LRIF1: variants seen among roughly 807,000 people sequenced by gnomAD.
LRIF1 encodes the protein ligand-dependent nuclear receptor-interacting factor 1.
In LRIF1, 32 loss-of-function variants were observed where a neutral mutation model predicts 52.7. The observed-to-expected ratio is 0.61, with a 90% CI of 0.46 to 0.82. The LOEUF is 0.82. Ranked by LOEUF, LRIF1 falls within the 40% of genes least tolerant of loss-of-function variation. The pLI is 0.00. For synonymous variants in LRIF1, 323 were observed against 317.4 expected, an observed-to-expected ratio of 1.02 and a Z score of -0.19; for missense variants, 887 against 892.0, an observed-to-expected ratio of 0.99 and a Z score of 0.07.
At chr1:110,922,707 C>T in the LRIF1 span, among the ~76,000 whole-genome samples, 3 of 152,220 alleles carry the variant, frequency 2.0e-5, no homozygotes, top group Admixed American at 2.0e-4. Flanking sequence ...AACTTAATGG[C>T]TTAAAACAAC....
the LRIF1 span, among the ~76,000 whole-genome samples, chr1:110,926,541 T>G: frequency 3.3e-5 from 5 of 151,974 alleles, no homozygotes; most frequent in Non-Finnish European, 7.4e-5. Flanking sequence ...ATTAAGAAAC[T>G]AAAAATAAAT....
At chr1:110,954,796 A>T (rs1241609807) in intron 1 of LRIF1, among the ~76,000 whole-genome samples, 2 of 152,114 alleles carry the variant, frequency 1.3e-5, no homozygotes, top group Non-Finnish European at 2.9e-5. Flanking sequence ...CTTATATTTT[A>T]ATTGATTTTT....
At chr1:110,951,097 T>C (rs969368588) in intron 2 of LRIF1, among the ~76,000 whole-genome samples, 191 bp downstream of exon 2, 12 of 152,198 alleles carry the variant, frequency 7.9e-5, no homozygotes, top group African/African-American at 2.4e-4. Context: ...TTGTACAAGA[T>C]TGTACCCAAC....
chr1:110,962,949 A>C (rs1357741498), intron 1 of LRIF1, among the ~76,000 whole-genome samples: 1 of 152,080 alleles, frequency 6.6e-6, no homozygotes, highest in Non-Finnish European at 1.5e-5. Flanking sequence ...GTTACTGATC[A>C]TCTATTTTCT....
At chr1:110,894,974 G>A in the LRIF1 span, 1 of 1,613,826 alleles carries the variant, frequency 6.2e-7, no homozygotes, top group Non-Finnish European at 8.5e-7. Flanking sequence ...ATGAGTATGT[G>A]GCTAAGGGTC....
the LRIF1 span, among the ~76,000 whole-genome samples, chr1:110,883,379 C>T: frequency 2.6e-5 from 4 of 151,856 alleles, no homozygotes; most frequent in African/African-American, 9.7e-5. Flanking sequence ...GTTAAAATAA[C>T]CTTGCATTCC....
At chr1:110,886,226 C>T in the LRIF1 span, among the ~76,000 whole-genome samples, 2 of 152,008 alleles carry the variant, frequency 1.3e-5, no homozygotes, top group Non-Finnish European at 2.9e-5. Flanking sequence ...TGCTCTTATC[C>T]TTACAATTGT....
At chr1:110,960,568 T>C (rs1658910231) in intron 1 of LRIF1, among the ~76,000 whole-genome samples, 2 of 152,220 alleles carry the variant, frequency 1.3e-5, no homozygotes, top group Non-Finnish European at 2.9e-5. Context: ...TTCATTATAG[T>C]ACCTCTAAGG....
the LRIF1 span, among the ~76,000 whole-genome samples, chr1:110,883,925 G>GA: frequency 6.6e-6 from 1 of 151,766 alleles, no homozygotes; most frequent in Non-Finnish European, 1.5e-5. Flanking sequence ...TTTTAAAATT[G>GA]ATTACCTGTG....
intron 1 of LRIF1, among the ~76,000 whole-genome samples, chr1:110,956,749 G>A (rs1658715502): frequency 6.6e-6 from 1 of 152,196 alleles, no homozygotes; most frequent in African/African-American, 2.4e-5. Flanking sequence ...TCACATGAGG[G>A]AAGATGGTGA....
intron 1 of LRIF1, among the ~76,000 whole-genome samples, chr1:110,953,923 A>G (rs1658588985): frequency 1.3e-5 from 2 of 152,204 alleles, no homozygotes; most frequent in African/African-American, 4.8e-5. Context: ...TTCATGGTAT[A>G]TATCATAGAT....
intron 1 of LRIF1, among the ~76,000 whole-genome samples, chr1:110,956,092 CAT>C (rs1366165429): frequency 1.3e-5 from 2 of 152,106 alleles, no homozygotes; most frequent in African/African-American, 2.4e-5. Flanking sequence ...TGAAAAATCA[CAT>C]GACATCATCT....
chr1:110,958,037 A>G (rs1253858244), intron 1 of LRIF1, among the ~76,000 whole-genome samples: 3 of 152,150 alleles, frequency 2.0e-5, no homozygotes, highest in African/African-American at 4.8e-5. Context: ...ACTATTGACT[A>G]TTATGTATCT....
At position 110,963,662 on chromosome 1, in the gene LRIF1, G is replaced by A. The variant is rs1322456626; in HGVS notation, c.27C>T (p.Phe9=). 6.2e-7 allele frequency: 1 copy of A among 1,610,258 alleles called. No individual in the cohort carries two copies. Among genetic ancestry groups the A allele is most frequent in the East Asian group, 2.2e-5 (1 of 44,808 alleles). Residue 9 remains phenylalanine (F), a synonymous_variant, in exon 1 of 4, where the codon TTC becomes TTT. Coordinates refer to ENST00000369763, the MANE Select transcript of LRIF1 (RefSeq NM_018372.4). MSNNLRRV[F]LKPAEENSGN... ...CTGAATTTTCCTCTGCGGGTTTCAG[G>A]AAGACCCTCCGTAGGTTATTTGACA...
the LRIF1 span, among the ~76,000 whole-genome samples, chr1:110,905,966 C>G: frequency 6.6e-6 from 1 of 151,712 alleles, no homozygotes; most frequent in African/African-American, 2.4e-5. Context: ...AAGTTGTTAT[C>G]AGGTTAAAAT....
downstream of LRIF1, chr1:110,944,844 T>C (rs1315599078): frequency 6.6e-6 from 1 of 151,978 alleles, no homozygotes; most frequent in African/African-American, 2.4e-5. Flanking sequence ...ATTGGTAAAT[T>C]TAGCTTTAGT....
downstream of LRIF1, among the ~76,000 whole-genome samples, chr1:110,945,678 C>T (rs1233608153): frequency 2.0e-5 from 3 of 152,232 alleles, no homozygotes; most frequent in Non-Finnish European, 2.9e-5. Context: ...CTGCCCACCT[C>T]GGCTTCCCAA....
the LRIF1 span, among the ~76,000 whole-genome samples, chr1:110,931,106 G>A: frequency 6.6e-6 from 1 of 151,964 alleles, no homozygotes; most frequent in Non-Finnish European, 1.5e-5. Context: ...TTTACATTAG[G>A]TATTTCTCCT....
At position 110,947,740 on chromosome 1, in the gene LRIF1, A is replaced by T. The variant is rs893188571; in HGVS notation, c.*219T>A. 10 of 417,026 alleles carry T rather than the reference A, an allele frequency of 2.4e-5. No individual in the cohort carries two copies. Among genetic ancestry groups the T allele is most frequent in the African/African-American group, 2.1e-4 (10 of 48,562 alleles). The allele number at this position is 417,026 out of a possible 1,614,324, so 25.8% of individuals were successfully genotyped here. ...AAAAATATAAAATTTATCCTTCCAA[A>T]AAAAGGTATCTAAGACAAAGGTATA... On this transcript the variant is annotated 3_prime_UTR_variant, in exon 4 of 4. Transcript: ENST00000369763.
Sources: gnomAD v4.1 joint callset for allele counts (sites outside exome capture counted in the v4.1 genomes callset) on GRCh38, gnomAD v4.1.1 for gene constraint, MANE v1.5 for transcripts, NCBI Gene and HGNC (gene_info 2026-07-23, HGNC 2026-07-21) for gene names.